Variants in NREP observed in about 807,000 individuals in gnomAD.
The protein encoded by NREP is neuronal regeneration related protein.
A neutral mutation model predicts 8.6 loss-of-function variants in NREP; 5 were observed. The ratio of observed to expected loss-of-function variants is 0.58; its 90% CI spans 0.30 to 1.22. NREP has a LOEUF of 1.22. NREP is among the 50% of genes most tolerant of loss of function. The probability of loss-of-function intolerance (pLI) is 0.07; values close to 1 mark genes in which losing one functional copy is unlikely to be tolerated. For missense variants in NREP, 86 were observed against 82.5 expected, an observed-to-expected ratio of 1.04 and a Z score of -0.17; for synonymous variants, 27 against 28.0, an observed-to-expected ratio of 0.96 and a Z score of 0.11.
At chr5:111,747,013 A>G (rs1320829961) in intron 2 of NREP, among the ~76,000 whole-genome samples, 1 of 152,148 alleles carries the variant, frequency 6.6e-6, no homozygotes, top group African/African-American at 2.4e-5. Context: ...GACACTCAAC[A>G]ATGTCTGGCA....
chr5:111,792,344 T>C (rs533893455), intron 2 of NREP, among the ~76,000 whole-genome samples: 1 of 152,326 alleles, frequency 6.6e-6, no homozygotes, highest in South Asian at 2.1e-4. Context: ...ATAGCCTGTA[T>C]AGAATGACAC....
At chr5:111,836,944 G>A (rs772424943) in intron 2 of NREP, among the ~76,000 whole-genome samples, 1 of 151,990 alleles carries the variant, frequency 6.6e-6, no homozygotes, top group Admixed American at 6.6e-5. Flanking sequence ...GTATCATCTT[G>A]GGGAAAATGG....
At chr5:111,933,872 A>G (rs1171928782) in intron 2 of NREP, among the ~76,000 whole-genome samples, 1 of 152,166 alleles carries the variant, frequency 6.6e-6, no homozygotes, top group East Asian at 1.9e-4. Context: ...CGCAGAAACC[A>G]GAAAGGGTCT....
At chr5:111,972,071 C>A (rs1756836414) in intron 2 of NREP, among the ~76,000 whole-genome samples, 1 of 151,902 alleles carries the variant, frequency 6.6e-6, no homozygotes, top group Non-Finnish European at 1.5e-5. Flanking sequence ...TAAAAATGAG[C>A]AAAGGATCTG....
intron 2 of NREP, among the ~76,000 whole-genome samples, chr5:111,893,907 T>C (rs1754449314): frequency 6.6e-6 from 1 of 151,796 alleles, no homozygotes; most frequent in Non-Finnish European, 1.5e-5. Flanking sequence ...ATTTTGTAAA[T>C]AGTAGTAGTA....
At chr5:111,842,331 G>A (rs1050643767) in intron 2 of NREP, among the ~76,000 whole-genome samples, 7 of 152,140 alleles carry the variant, frequency 4.6e-5, no homozygotes, top group Non-Finnish European at 1.0e-4. Flanking sequence ...GGATTTTCAA[G>A]GGTAGCAGAA....
chr5:111,740,156 T>C (rs1475500297), intron 2 of NREP, among the ~76,000 whole-genome samples: 1 of 152,182 alleles, frequency 6.6e-6, no homozygotes, highest in Non-Finnish European at 1.5e-5. Context: ...TCTATGATGC[T>C]ATATTTATCT....
intron 2 of NREP, among the ~76,000 whole-genome samples, chr5:111,819,511 A>G (rs4283845): frequency 0.069 from 10,469 of 152,210 alleles, 406 homozygotes; most frequent in African/African-American, 0.096. Flanking sequence ...TTCGAGCACT[A>G]TTTCTTTGCA....
intron 2 of NREP, among the ~76,000 whole-genome samples, chr5:111,883,400 A>G (rs1485747925): frequency 6.6e-6 from 1 of 152,192 alleles, no homozygotes; most frequent in Admixed American, 6.5e-5. Context: ...CACTGTCAAC[A>G]TTAGACAGAT....
chr5:111,862,520 A>G (rs1014875694), intron 2 of NREP, among the ~76,000 whole-genome samples: 8 of 152,120 alleles, frequency 5.3e-5, no homozygotes, highest in African/African-American at 1.9e-4. Flanking sequence ...TGAGGGATGT[A>G]TGACTGTTGC....
intron 2 of NREP, among the ~76,000 whole-genome samples, chr5:111,863,237 G>T (rs1403621398): frequency 6.6e-6 from 1 of 152,022 alleles, no homozygotes; most frequent in African/African-American, 2.4e-5. Flanking sequence ...TTGGTGATAG[G>T]TTAGACATGG....
At chr5:111,851,998 C>A (rs1334046383) in intron 2 of NREP, among the ~76,000 whole-genome samples, 1 of 152,118 alleles carries the variant, frequency 6.6e-6, no homozygotes, top group Non-Finnish European at 1.5e-5. Flanking sequence ...TTGAAACTTA[C>A]CCCCCATTGT....
chr5:111,851,107 A>T (rs867281224), intron 2 of NREP, among the ~76,000 whole-genome samples: 1 of 152,118 alleles, frequency 6.6e-6, no homozygotes, highest in Non-Finnish European at 1.5e-5. Flanking sequence ...AATGTCTAAG[A>T]TATAGTTTCT....
At chr5:111,880,526 G>C (rs1754028276) in intron 2 of NREP, among the ~76,000 whole-genome samples, 1 of 151,956 alleles carries the variant, frequency 6.6e-6, no homozygotes, top group African/African-American at 2.4e-5. Context: ...CATTTTTCTG[G>C]TTTCATTCCT....
At chr5:111,943,563 G>A (rs201718958) in intron 2 of NREP, among the ~76,000 whole-genome samples, 5 of 152,030 alleles carry the variant, frequency 3.3e-5, no homozygotes, top group Admixed American at 6.6e-5. Flanking sequence ...ACTGCACTGC[G>A]AAGCCAGTGC....
chr5:111,835,798 A>G (rs1189547503), intron 2 of NREP, among the ~76,000 whole-genome samples: 7 of 152,050 alleles, frequency 4.6e-5, no homozygotes, highest in Non-Finnish European at 7.4e-5. Flanking sequence ...AGATAGGGGG[A>G]AAAAGGTCAT....
chr5:111,787,274 C>T (rs1440055411), intron 2 of NREP, among the ~76,000 whole-genome samples: 1 of 152,166 alleles, frequency 6.6e-6, no homozygotes, highest in Non-Finnish European at 1.5e-5. Context: ...ACTTCAGCTC[C>T]AATGCCCAGT....
chr5:111,766,368 T>C (rs533705978), intron 2 of NREP, among the ~76,000 whole-genome samples: 1 of 152,292 alleles, frequency 6.6e-6, no homozygotes, highest in East Asian at 1.9e-4. Context: ...TGCACGGATT[T>C]GCCTCATTTT....
At chr5:111,952,646 C>T (rs191687181) in intron 2 of NREP, among the ~76,000 whole-genome samples, 4 of 152,110 alleles carry the variant, frequency 2.6e-5, no homozygotes, top group East Asian at 1.9e-4. Context: ...GCATTGAAAT[C>T]GCAGTTTATG....
Sources: allele counts gnomAD v4.1 joint callset (sites outside exome capture counted in the v4.1 genomes callset), GRCh38; gene constraint gnomAD v4.1.1; transcripts MANE v1.5; gene names NCBI Gene and HGNC (gene_info 2026-07-23, HGNC 2026-07-21).